Variants in ATF7IP2 observed in about 807,000 individuals in gnomAD.
The protein encoded by ATF7IP2 is activating transcription factor 7 interacting protein 2, also known as activating transcription factor 7-interacting protein 2.
Under a neutral mutation model 64.2 loss-of-function variants are expected in ATF7IP2, and 42 were observed. The ratio of observed to expected loss-of-function variants is 0.65; its 90% CI spans 0.51 to 0.85. ATF7IP2 has a LOEUF of 0.85. Among genes scored for constraint, ATF7IP2 ranks in the 40% least tolerant of loss-of-function variants. ATF7IP2 has a pLI of 0.00. For synonymous variants in ATF7IP2, 308 were observed against 272.8 expected (o/e 1.13, Z -1.27); for missense variants, 933 against 784.2 (o/e 1.19, Z -2.27).
In ATF7IP2 at chr16:10,417,415, T is replaced by C. The variant is rs147939310; in HGVS notation, c.-202-2166T>C. On this transcript the variant is annotated intron_variant, in intron 2 of 13. Transcript: ENST00000562102. ...TATTCTGTGCAATGGAAACCAAAAT[T>C]GAGCAGGAGCAGCTAGACATATCTC... Among the ~76,000 whole-genome samples the C allele has an allele frequency of 2.0e-5, 3 of 152,128 alleles. No homozygotes were observed. The East Asian group carries it at 5.8e-4, about 29-fold the overall frequency.
intron 12 of ATF7IP2, 138 bp downstream of exon 12, chr16:10,474,127 G>A (rs62027485): frequency 0.16 from 90,418 of 564,222 alleles, 7,852 homozygotes; most frequent in African/African-American, 0.23. Context: ...TTTAGCTCAT[G>A]TGCAGATTCA....
intron 1 of ATF7IP2, among the ~76,000 whole-genome samples, chr16:10,402,177 T>C (rs758413623): frequency 2.0e-5 from 3 of 152,206 alleles, no homozygotes; most frequent in African/African-American, 4.8e-5. Flanking sequence ...CAATGTAAGA[T>C]TTTTAATTTT....
chr16:10,442,760 T>A (rs372147024), intron 8 of ATF7IP2, among the ~76,000 whole-genome samples: 79 of 67,632 alleles, frequency 1.2e-3, no homozygotes, highest in African/African-American at 4.5e-3. Context: ...CTAGTGCCAT[T>A]CTATTTTCAC....
intron 1 of ATF7IP2, among the ~76,000 whole-genome samples, chr16:10,410,871 A>T (rs1223607730): frequency 6.6e-6 from 1 of 152,178 alleles, no homozygotes; most frequent in African/African-American, 2.4e-5. Context: ...CTTTTATTAC[A>T]TTGAGGTATG....
chr16:10,472,261 G>C, intron 10 of ATF7IP2, 78 bp downstream of exon 10: 4 of 668,126 alleles, frequency 6.0e-6, no homozygotes, highest in Non-Finnish European at 9.8e-6. Context: ...GTGAAAAATT[G>C]AATAATATCT....
chr16:10,387,881 C>T (rs2047235640), intron 1 of ATF7IP2: 1 of 135,742 alleles, frequency 7.4e-6, no homozygotes, highest in African/African-American at 2.7e-5. Context: ...TTATCTATCT[C>T]GTTTATTTTA....
At chr16:10,421,204 C>T (rs563595178) in intron 3 of ATF7IP2, among the ~76,000 whole-genome samples, 4 of 152,078 alleles carry the variant, frequency 2.6e-5, no homozygotes, top group East Asian at 3.9e-4. Flanking sequence ...AGTTAGAGTC[C>T]GTGAATTAGT....
chr16:10,400,930 CGCCTCAGGTGATCCACCT>C (rs2047519683), intron 1 of ATF7IP2, among the ~76,000 whole-genome samples: 1 of 151,846 alleles, frequency 6.6e-6, no homozygotes, highest in South Asian at 2.1e-4. Flanking sequence ...GTGATCCACC[CGCCTCAGGTGATCCACCT>C]GCCTCAGCCT....
At chr16:10,445,574 G>T (rs1177976014) in intron 8 of ATF7IP2, 2 of 152,202 alleles carry the variant, frequency 1.3e-5, no homozygotes, top group Non-Finnish European at 2.9e-5. Flanking sequence ...GTGTGATCTT[G>T]GCTCACAGCA....
intron 1 of ATF7IP2, chr16:10,386,793 C>G (rs2047211891): frequency 6.6e-6 from 1 of 152,154 alleles, no homozygotes; most frequent in South Asian, 2.1e-4. Context: ...CATCTTATCG[C>G]CCTTCTCTAA....
At chr16:10,459,069 C>T (rs1006924440) in intron 9 of ATF7IP2, among the ~76,000 whole-genome samples, 5 of 152,076 alleles carry the variant, frequency 3.3e-5, no homozygotes, top group East Asian at 1.9e-4. Context: ...CACGGTGGCT[C>T]ATGCCTGTAA....
At chr16:10,433,329 C>T (rs898955916) in intron 5 of ATF7IP2, among the ~76,000 whole-genome samples, 196 bp from the exon 6 acceptor site, 2 of 152,096 alleles carry the variant, frequency 1.3e-5, no homozygotes, top group East Asian at 1.9e-4. Context: ...GCATGCCCCA[C>T]CATACCCAGC....
chr16:10,475,363 A>G (rs1223155153), intron 12 of ATF7IP2, among the ~76,000 whole-genome samples: 1 of 152,232 alleles, frequency 6.6e-6, no homozygotes, highest in Non-Finnish European at 1.5e-5. Flanking sequence ...AGTAAAGCTA[A>G]GAAACCAATA....
intron 1 of ATF7IP2, chr16:10,387,622 C>T (rs1315160823): frequency 6.6e-6 from 1 of 152,162 alleles, no homozygotes; most frequent in Admixed American, 6.5e-5. Flanking sequence ...ATCCCTGCAC[C>T]TTTGCTTCTG....
intron 1 of ATF7IP2, among the ~76,000 whole-genome samples, chr16:10,388,961 G>T (rs901592930): frequency 1.3e-5 from 2 of 151,650 alleles, no homozygotes; most frequent in East Asian, 3.9e-4. Context: ...GCAGTGAGCC[G>T]AGATCGCACC....
Position 10,473,909 on chromosome 16 carries a change from T to TTTTTA in ATF7IP2, c.1483-14_1483-13insTTTTA. 2 of 1,409,304 alleles carry TTTTTA rather than the reference T, an allele frequency of 1.4e-6. No individual in the cohort carries two copies. Among genetic ancestry groups the TTTTTA allele is most frequent in the African/African-American group, 3.0e-5 (2 of 65,600 alleles). The allele number at this position is 1,409,304 out of a possible 1,614,324, so 87.3% of individuals were successfully genotyped here. A position where few individuals can be genotyped will look rare whatever the true frequency, so the allele number is the denominator to read the frequency against. ...TGAGGCAAAGCTTTTTTTTTTTTTTTACAATTTTTTTAGGCTGTACAGAAG... is the reference window on the plus strand; with the variant it reads ...TGAGGCAAAGCTTTTTTTTTTTTTTTTTTTAACAATTTTTTTAGGCTGTACAGAAG... On this transcript the variant is annotated splice_polypyrimidine_tract_variant and intron_variant, in intron 11 of 13. Transcript: ENST00000562102.
At chr16:10,403,379 G>A (rs561202254) in intron 1 of ATF7IP2, among the ~76,000 whole-genome samples, 1 of 152,156 alleles carries the variant, frequency 6.6e-6, no homozygotes, top group African/African-American at 2.4e-5. Flanking sequence ...ACCACACTAA[G>A]GCTTTTTAGA....
At chr16:10,413,124 A>T (rs2353905) in intron 1 of ATF7IP2, among the ~76,000 whole-genome samples, 2 of 151,970 alleles carry the variant, frequency 1.3e-5, no homozygotes, top group African/African-American at 4.8e-5. Context: ...CTGCAAATTC[A>T]TGTCTTTTAA....
intron 1 of ATF7IP2, chr16:10,387,083 T>G (rs1280803446): frequency 6.6e-6 from 1 of 152,196 alleles, no homozygotes; most frequent in African/African-American, 2.4e-5. Context: ...TTCACTTAAA[T>G]TGTTATTCTA....
Sources: allele counts gnomAD v4.1 joint callset (sites outside exome capture counted in the v4.1 genomes callset), GRCh38; gene constraint gnomAD v4.1.1; transcripts MANE v1.5; gene names NCBI Gene and HGNC (gene_info 2026-07-23, HGNC 2026-07-21).